SHROOM3: variants seen among roughly 807,000 people sequenced by gnomAD.
The protein encoded by SHROOM3 is protein Shroom3.
In SHROOM3, 47 loss-of-function variants were observed where a neutral mutation model predicts 138.6. The observed-to-expected ratio is 0.34, with a 90% CI of 0.27 to 0.43. The LOEUF (loss-of-function observed/expected upper bound fraction) is 0.43, where lower values mean the gene tolerates loss of function less well. Ranked by LOEUF, SHROOM3 falls within the 20% of genes least tolerant of loss-of-function variation. The probability of loss-of-function intolerance (pLI) is 1.00; values close to 1 mark genes in which losing one functional copy is unlikely to be tolerated. For synonymous variants in SHROOM3, 1,062 were observed against 1,063.3 expected (o/e 1.00, Z 0.02); for missense variants, 2,491 against 2,596.5 (o/e 0.96, Z 0.88).
At chr4:76,688,017 A>G (rs1286044890) in intron 2 of SHROOM3, among the ~76,000 whole-genome samples, 1 of 152,204 alleles carries the variant, frequency 6.6e-6, no homozygotes, top group Non-Finnish European at 1.5e-5. Flanking sequence ...TGTGCGTTAT[A>G]AACTGCAAGG....
At chr4:76,646,314 G>A (rs1184721626) in intron 2 of SHROOM3, among the ~76,000 whole-genome samples, 1 of 149,278 alleles carries the variant, frequency 6.7e-6, no homozygotes, top group Admixed American at 6.7e-5. Flanking sequence ...CATATCTGCT[G>A]TCCCAAAACT....
chr4:76,525,993 A>ACCACTAAG (rs147162056), intron 1 of SHROOM3, among the ~76,000 whole-genome samples: 4,245 of 152,274 alleles, frequency 0.028, 205 homozygotes, highest in African/African-American at 0.095. Flanking sequence ...TTGCTATTGC[A>ACCACTAAG]CCACTAAGCT....
At chr4:76,525,863 T>C (rs1046270447) in intron 1 of SHROOM3, among the ~76,000 whole-genome samples, 1 of 152,090 alleles carries the variant, frequency 6.6e-6, no homozygotes, top group African/African-American at 2.4e-5. Context: ...ACATGTCACA[T>C]TCAAAAAACA....
At position 76,721,236 on chromosome 4, in the gene SHROOM3, G is replaced by A. The variant is rs1315560291; in HGVS notation, c.456-9568G>A. 2.6e-5 allele frequency among the ~76,000 whole-genome samples: 4 copies of A among 151,176 alleles called. 1 individual carries two copies. Among genetic ancestry groups the A allele is most frequent in the South Asian group, 2.1e-4 (1 of 4,736 alleles). ...TGAGGCAGGAGAATGGCGTGAACCC[G>A]GGAGGCGGAGCTTGCAGTGAGCCGA... On this transcript the variant is annotated intron_variant, in intron 3 of 10. Transcript: ENST00000296043.
At chr4:76,751,486 A>AAGAG (rs1721621960) in intron 6 of SHROOM3, among the ~76,000 whole-genome samples, 1 of 152,236 alleles carries the variant, frequency 6.6e-6, no homozygotes, top group Admixed American at 6.5e-5. Context: ...ATGGGTCACA[A>AAGAG]AGAGACAATA....
At chr4:76,652,962 T>C (rs1446631923) in intron 2 of SHROOM3, among the ~76,000 whole-genome samples, 6 of 152,082 alleles carry the variant, frequency 3.9e-5, no homozygotes, top group African/African-American at 9.7e-5. Context: ...CATGGTGTGG[T>C]GAGACAAGAG....
At chr4:76,716,217 T>A in intron 3 of SHROOM3, 1 of 463,150 alleles carries the variant, frequency 2.2e-6, no homozygotes, top group Non-Finnish European at 4.3e-6. Context: ...CCCTCCCACT[T>A]GCGCTGAGCT....
In SHROOM3 at chr4:76,478,613, G is replaced by A. The variant is rs1051229952; in HGVS notation, c.168+42393G>A. ...AAGAGAGCAGCAGATCTCCCAGCAC[G>A]GTGCTCGAGCTATGCTAAGGGACAG... is the stretch of plus-strand genomic sequence containing the variant. On this transcript the variant is annotated intron_variant, in intron 1 of 10. Coordinates refer to ENST00000296043, the MANE Select transcript of SHROOM3 (RefSeq NM_020859.4). 2.1e-4 allele frequency among the ~76,000 whole-genome samples: 32 copies of A among 152,278 alleles called. No individual in the cohort carries two copies. In the East Asian group the frequency reaches 4.1e-3, roughly 19 times the overall value.
At chr4:76,555,147 C>T (rs922251507) in intron 1 of SHROOM3, among the ~76,000 whole-genome samples, 6 of 151,970 alleles carry the variant, frequency 3.9e-5, no homozygotes, top group African/African-American at 9.7e-5. Flanking sequence ...ATAAATGCAA[C>T]GCACTTGAAC....
intron 1 of SHROOM3, among the ~76,000 whole-genome samples, chr4:76,457,456 C>T (rs553183676): frequency 6.6e-6 from 1 of 152,060 alleles, no homozygotes; most frequent in South Asian, 2.1e-4. Flanking sequence ...CCTGTACAGC[C>T]TGCAGAACCG....
rs1722775160 is a variant in SHROOM3 at position 76,783,180 on chromosome 4, GAAT to G, written c.*4007_*4009del. The G allele has an allele frequency of 6.6e-6, 1 of 151,944 alleles. No individual in the cohort carries two copies. Among genetic ancestry groups the G allele is most frequent in the Admixed American group, 6.6e-5 (1 of 15,248 alleles). 9.4% of individuals were successfully genotyped at this position (151,944 alleles called of 1,614,324 possible). ...AAGACTAACATGAATTTAATAATCT[GAAT>G]AATTTTTAAAATTTAAATAAACAGA... On this transcript the variant is annotated 3_prime_UTR_variant, in exon 11 of 11. Coordinates refer to ENST00000296043, the MANE Select transcript of SHROOM3 (RefSeq NM_020859.4).
chr4:76,622,672 A>G (rs988252708), intron 2 of SHROOM3, among the ~76,000 whole-genome samples: 3 of 152,144 alleles, frequency 2.0e-5, no homozygotes, highest in Non-Finnish European at 4.4e-5. Context: ...TGAAGAAAGG[A>G]GGCCACGGGG....
intron 2 of SHROOM3, among the ~76,000 whole-genome samples, chr4:76,625,881 A>C (rs1298762306): frequency 6.6e-6 from 1 of 152,238 alleles, no homozygotes; most frequent in Non-Finnish European, 1.5e-5. Flanking sequence ...CATCTCGCTC[A>C]CTATTATACT....
chr4:76,581,362 G>GA (rs907524096), intron 2 of SHROOM3, among the ~76,000 whole-genome samples: 3 of 152,130 alleles, frequency 2.0e-5, no homozygotes, highest in Admixed American at 1.3e-4. Flanking sequence ...AAATTAAATT[G>GA]AAAAAATGTG....
At chr4:76,735,471 C>CA (rs1430177419) in intron 4 of SHROOM3, among the ~76,000 whole-genome samples, 1 of 151,902 alleles carries the variant, frequency 6.6e-6, no homozygotes, top group Non-Finnish European at 1.5e-5. Flanking sequence ...GGAAGGAACC[C>CA]ACTATACCCT....
intron 2 of SHROOM3, among the ~76,000 whole-genome samples, chr4:76,608,528 G>GGTATA (rs1734670192): frequency 8.8e-6 from 1 of 113,546 alleles, no homozygotes; most frequent in African/African-American, 3.5e-5. Flanking sequence ...GGACAGAGAT[G>GGTATA]GCATAGCATA....
At chr4:76,564,603 T>C (rs1294454648) in intron 2 of SHROOM3, among the ~76,000 whole-genome samples, 3 of 152,206 alleles carry the variant, frequency 2.0e-5, no homozygotes, top group Non-Finnish European at 4.4e-5. Flanking sequence ...ACTCCCTTAC[T>C]GTAATGAGGA....
intron 1 of SHROOM3, among the ~76,000 whole-genome samples, chr4:76,479,575 G>A (rs144600518): frequency 0.011 from 1,686 of 152,250 alleles, 15 homozygotes; most frequent in Middle Eastern, 0.048. Flanking sequence ...TTATCCAGGA[G>A]AACTTCCCCA....
At chr4:76,773,667 A>C (rs1474948498) in intron 10 of SHROOM3, among the ~76,000 whole-genome samples, 2 of 152,188 alleles carry the variant, frequency 1.3e-5, no homozygotes, top group Admixed American at 1.3e-4. Flanking sequence ...AACTGCCACC[A>C]ACTCGAAGCC....
Sources: allele counts gnomAD v4.1 joint callset (sites outside exome capture counted in the v4.1 genomes callset), GRCh38; gene constraint gnomAD v4.1.1; transcripts MANE v1.5; gene names NCBI Gene and HGNC (gene_info 2026-07-23, HGNC 2026-07-21).